Variants in CDH13 observed in about 807,000 individuals in gnomAD.
CDH13 encodes cadherin 13, also known as cadherin-13.
A neutral mutation model predicts 63.8 loss-of-function variants in CDH13; 24 were observed. The ratio of observed to expected loss-of-function variants is 0.38; its 90% CI spans 0.27 to 0.53. The LOEUF (loss-of-function observed/expected upper bound fraction) is 0.53. Among genes scored for constraint, CDH13 ranks in the 20% least tolerant of loss-of-function variants. CDH13 has a pLI of 0.85. For synonymous variants in CDH13, 503 were observed against 355.3 expected (o/e 1.42, Z -4.67); for missense variants, 1,049 against 903.1 (o/e 1.16, Z -2.07).
intron 7 of CDH13, among the ~76,000 whole-genome samples, chr16:83,565,285 C>T (rs2075772979): frequency 1.3e-5 from 2 of 152,006 alleles, no homozygotes; most frequent in Non-Finnish European, 1.5e-5. Context: ...AAAGAGTTCT[C>T]GAAGCCCTCA....
chr16:83,448,362 T>C lies in CDH13; in HGVS notation c.782-38115T>C, dbSNP rs958497910. Among the ~76,000 whole-genome samples, 2 of 152,040 alleles carry C rather than the reference T, an allele frequency of 1.3e-5. 1 individual carries two copies. Among genetic ancestry groups the C allele is most frequent in the South Asian group, 4.1e-4 (2 of 4,822 alleles). ...AGAGATCCAAGATACCAACTTCAGCTTGGAGGGAGAAACAAGATCAAAGGA... is the reference window on the plus strand; with the variant it reads ...AGAGATCCAAGATACCAACTTCAGCCTGGAGGGAGAAACAAGATCAAAGGA... On this transcript the variant is annotated intron_variant, in intron 6 of 13. Transcript: ENST00000567109.
intron 8 of CDH13, among the ~76,000 whole-genome samples, chr16:83,649,414 C>T (rs1035751356): frequency 3.9e-5 from 6 of 152,122 alleles, no homozygotes; most frequent in African/African-American, 1.4e-4. Context: ...TGAGGAAATA[C>T]GGGCCCCTCT....
intron 2 of CDH13, among the ~76,000 whole-genome samples, chr16:82,936,087 C>G (rs914690261): frequency 2.0e-5 from 3 of 152,132 alleles, no homozygotes; most frequent in Non-Finnish European, 4.4e-5. Flanking sequence ...TTGGCACCAT[C>G]TTGTCTGCTT....
At chr16:83,001,319 G>C (rs964773834) in intron 2 of CDH13, among the ~76,000 whole-genome samples, 10 of 152,346 alleles carry the variant, frequency 6.6e-5, no homozygotes, top group African/African-American at 2.4e-4. Flanking sequence ...AGCACAAGTA[G>C]TGTTGCATTG....
chr16:82,806,584 A>G (rs555677442), intron 1 of CDH13, among the ~76,000 whole-genome samples: 2 of 152,320 alleles, frequency 1.3e-5, no homozygotes, highest in Admixed American at 6.5e-5. Context: ...AAGTTAAGGA[A>G]AGGTCTTATT....
At chr16:83,043,850 T>C (rs983306460) in intron 3 of CDH13, among the ~76,000 whole-genome samples, 3 of 151,668 alleles carry the variant, frequency 2.0e-5, no homozygotes, top group African/African-American at 7.3e-5. Context: ...AAAAAATCAA[T>C]ATGAACATTA....
chr16:83,559,370 A>G (rs1223108050), intron 7 of CDH13, among the ~76,000 whole-genome samples: 1 of 152,116 alleles, frequency 6.6e-6, no homozygotes, highest in Non-Finnish European at 1.5e-5. Flanking sequence ...TTGTGAGTTC[A>G]AGAGCAGCCT....
At chr16:82,669,720 G>C (rs1913012658) in intron 1 of CDH13, among the ~76,000 whole-genome samples, 1 of 152,170 alleles carries the variant, frequency 6.6e-6, no homozygotes, top group Non-Finnish European at 1.5e-5. Context: ...CTAGAATGTA[G>C]ATCAATTAAG....
chr16:82,849,125 T>C (rs1036676220), intron 1 of CDH13, among the ~76,000 whole-genome samples: 7 of 152,052 alleles, frequency 4.6e-5, no homozygotes, highest in African/African-American at 1.2e-4. Context: ...GGCTGAGAGG[T>C]GAAGAAGCTG....
chr16:83,688,722 G>A (rs1904554540), intron 10 of CDH13, among the ~76,000 whole-genome samples: 1 of 152,126 alleles, frequency 6.6e-6, no homozygotes. Flanking sequence ...TTTAATTAAA[G>A]CGGTGTTGTT....
intron 8 of CDH13, among the ~76,000 whole-genome samples, chr16:83,623,620 T>C (rs1871445782): frequency 6.6e-6 from 1 of 152,180 alleles, no homozygotes; most frequent in African/African-American, 2.4e-5. Context: ...CGCCCCTGAA[T>C]GCACGGTTCA....
chr16:83,658,651 G>T (rs1913121562), intron 8 of CDH13, among the ~76,000 whole-genome samples: 1 of 150,528 alleles, frequency 6.6e-6, no homozygotes, highest in Non-Finnish European at 1.5e-5. Context: ...CTCACCACCA[G>T]GTCCCATATC....
At chr16:83,009,228 C>G (rs1436086607) in intron 2 of CDH13, among the ~76,000 whole-genome samples, 2 of 152,160 alleles carry the variant, frequency 1.3e-5, no homozygotes, top group Non-Finnish European at 2.9e-5. Context: ...ATATTAGCAT[C>G]CAGTATTTTG....
chr16:82,923,991 G>T (rs1233534224), intron 2 of CDH13, among the ~76,000 whole-genome samples: 2 of 152,174 alleles, frequency 1.3e-5, no homozygotes, highest in African/African-American at 4.8e-5. Context: ...ACACATGTTT[G>T]TAACAATTGG....
At chr16:83,156,689 C>A (rs7192933) in intron 4 of CDH13, among the ~76,000 whole-genome samples, 6 of 152,004 alleles carry the variant, frequency 3.9e-5, no homozygotes, top group Non-Finnish European at 8.8e-5. Context: ...TGCGTCTTGA[C>A]GACATGAAAC....
chr16:83,212,307 C>T (rs1011556855), intron 4 of CDH13, among the ~76,000 whole-genome samples: 3 of 152,148 alleles, frequency 2.0e-5, no homozygotes. Flanking sequence ...CTCTGAAAAC[C>T]CAGCTAGGCA....
chr16:83,049,983 G>T (rs1384795637), intron 3 of CDH13, among the ~76,000 whole-genome samples: 2 of 152,124 alleles, frequency 1.3e-5, no homozygotes, highest in African/African-American at 4.8e-5. Context: ...GTAATTGTTA[G>T]TAATAATAAT....
intron 1 of CDH13, among the ~76,000 whole-genome samples, chr16:82,837,372 A>T (rs955862859): frequency 6.6e-5 from 10 of 152,104 alleles, no homozygotes; most frequent in African/African-American, 2.4e-4. Context: ...CAAATGAATG[A>T]AATTCAGATC....
chr16:83,124,404 A>C (rs2035721837), intron 3 of CDH13, among the ~76,000 whole-genome samples: 1 of 152,112 alleles, frequency 6.6e-6, no homozygotes, highest in African/African-American at 2.4e-5. Flanking sequence ...TCTGGATAAT[A>C]GTCCTTTGTT....
Sources: gnomAD v4.1 joint callset for allele counts (sites outside exome capture counted in the v4.1 genomes callset) on GRCh38, gnomAD v4.1.1 for gene constraint, MANE v1.5 for transcripts, NCBI Gene and HGNC (gene_info 2026-07-23, HGNC 2026-07-21) for gene names.